WDR70: variants seen among roughly 807,000 people sequenced by gnomAD.
WDR70 encodes the protein WD repeat-containing protein 70.
Under a neutral mutation model 88.6 loss-of-function variants are expected in WDR70, and 53 were observed. The ratio of observed to expected loss-of-function variants is 0.60; its 90% CI spans 0.48 to 0.75. WDR70 has a LOEUF of 0.75. WDR70 is among the 30% of genes least tolerant of loss of function. WDR70 has a pLI of 0.00. For synonymous variants in WDR70, 280 were observed against 270.0 expected, an observed-to-expected ratio of 1.04 and a Z score of -0.36; for missense variants, 610 against 823.2, an observed-to-expected ratio of 0.74 and a Z score of 3.17.
chr5:37,427,548 T>C (rs1750169940), intron 5 of WDR70, among the ~76,000 whole-genome samples: 2 of 152,042 alleles, frequency 1.3e-5, no homozygotes, highest in African/African-American at 4.8e-5. Context: ...TTATTCCTAA[T>C]AGGATTCTCA....
intron 10 of WDR70, among the ~76,000 whole-genome samples, chr5:37,688,746 C>T (rs1243148644): frequency 8.7e-6 from 1 of 114,942 alleles, no homozygotes; most frequent in Non-Finnish European, 2.0e-5. Context: ...CAGCTCTGGT[C>T]TGCAGCTCCC....
chr5:37,718,604 A>G (rs1459505958), intron 13 of WDR70, among the ~76,000 whole-genome samples: 1 of 152,200 alleles, frequency 6.6e-6, no homozygotes, highest in Non-Finnish European at 1.5e-5. Context: ...CTCTAGGACC[A>G]CATTAGGAGG....
intron 10 of WDR70, among the ~76,000 whole-genome samples, chr5:37,615,779 G>C (rs16903691): frequency 1.3e-5 from 2 of 151,832 alleles, no homozygotes; most frequent in African/African-American, 4.8e-5. Context: ...TTATTTTTCC[G>C]TTTAGAACTT....
At chr5:37,741,228 G>A (rs948501306) in intron 17 of WDR70, among the ~76,000 whole-genome samples, 5 of 93,266 alleles carry the variant, frequency 5.4e-5, no homozygotes, top group African/African-American at 1.8e-4. Flanking sequence ...AAGCCCAAGA[G>A]CCTAGTTCTT....
Position 37,605,182 on chromosome 5 carries a change from C to G in WDR70, c.1036C>G (p.Leu346Val), listed in dbSNP as rs994796016. ...GTGCACATATAGTAGAGATGGAAAC[C>G]TCATAGCAGCTGCCTGCCAGAATGG... ...TTCTYSRDGNLIAAACQNGSI... is the reference protein window; with the variant it reads ...TTCTYSRDGNVIAAACQNGSI... The change falls in exon 10 of 18, where the codon CTC becomes GTC. Residue 346 changes from leucine to valine, a missense_variant. Transcript: ENST00000265107. 6 of 1,612,498 alleles carry G rather than the reference C, an allele frequency of 3.7e-6. No homozygotes were observed. Among genetic ancestry groups the G allele is most frequent in the Admixed American group, 1.7e-5 (1 of 59,954 alleles).
At chr5:37,579,555 G>C (rs1396254798) in intron 9 of WDR70, among the ~76,000 whole-genome samples, 1 of 127,410 alleles carries the variant, frequency 7.8e-6, no homozygotes, top group African/African-American at 3.1e-5. Flanking sequence ...TTGCACTCCA[G>C]CCTGGCAACC....
chr5:37,620,441 G>A (rs954707082), intron 10 of WDR70, among the ~76,000 whole-genome samples: 1 of 152,066 alleles, frequency 6.6e-6, no homozygotes, highest in Non-Finnish European at 1.5e-5. Context: ...CTCTCTATTT[G>A]AAAATGTAGC....
chr5:37,434,109 C>T (rs141467459), intron 5 of WDR70, among the ~76,000 whole-genome samples: 4,883 of 152,214 alleles, frequency 0.032, 110 homozygotes, highest in Middle Eastern at 0.068. Flanking sequence ...CTTACAATCA[C>T]GGCAGAAGGC....
chr5:37,463,428 A>T (rs1434577290), intron 7 of WDR70, among the ~76,000 whole-genome samples: 1 of 152,128 alleles, frequency 6.6e-6, no homozygotes, highest in Non-Finnish European at 1.5e-5. Flanking sequence ...CTGAGCCCCA[A>T]GTGACAGCCC....
At chr5:37,591,178 C>T (rs899635138) in intron 9 of WDR70, among the ~76,000 whole-genome samples, 6 of 152,012 alleles carry the variant, frequency 3.9e-5, no homozygotes, top group Non-Finnish European at 7.4e-5. Context: ...TCTAAAAATA[C>T]AAAAGTTAGC....
chr5:37,384,173 CTTTTT>C (rs57075180), intron 3 of WDR70, among the ~76,000 whole-genome samples: 2 of 107,866 alleles, frequency 1.9e-5, no homozygotes, highest in African/African-American at 6.9e-5. Context: ...ACTTTCCCCC[CTTTTT>C]TTTTTTTTTT....
chr5:37,409,786 G>A (rs370692381), intron 5 of WDR70, among the ~76,000 whole-genome samples: 8 of 152,178 alleles, frequency 5.3e-5, no homozygotes, highest in Admixed American at 2.0e-4. Context: ...GATTACAGGC[G>A]TGAGCCACCA....
At position 37,752,479 on chromosome 5, in the gene WDR70, C is replaced by T. The variant is rs1232606006; in HGVS notation, c.1878-7C>T. The T allele has an allele frequency of 1.2e-6, 2 of 1,603,408 alleles. No individual in the cohort carries two copies. Among genetic ancestry groups the T allele is most frequent in the African/African-American group, 2.7e-5 (2 of 74,048 alleles). Reference sequence around the variant, plus strand: ...TTTTTCCTTCTCTTCTTTAACTTTTCTTTTAGGACTCAGCCCAAAACCATG... The same window carrying T: ...TTTTTCCTTCTCTTCTTTAACTTTTTTTTTAGGACTCAGCCCAAAACCATG... On this transcript the variant is annotated splice_region_variant and splice_polypyrimidine_tract_variant and intron_variant, in intron 17 of 17. Transcript: ENST00000265107.
At chr5:37,455,812 A>G (rs993671377) in intron 7 of WDR70, among the ~76,000 whole-genome samples, 1 of 152,040 alleles carries the variant, frequency 6.6e-6, no homozygotes, top group African/African-American at 2.4e-5. Flanking sequence ...AGAAATGCAT[A>G]CAGTCATAGT....
At chr5:37,386,733 A>C (rs1748628863) in intron 3 of WDR70, among the ~76,000 whole-genome samples, 2 of 152,226 alleles carry the variant, frequency 1.3e-5, no homozygotes, top group South Asian at 4.1e-4. Flanking sequence ...GAGAATATTA[A>C]ATTGAATTTA....
chr5:37,476,383 T>C (rs572957430), intron 7 of WDR70, among the ~76,000 whole-genome samples: 1 of 152,292 alleles, frequency 6.6e-6, no homozygotes, highest in South Asian at 2.1e-4. Flanking sequence ...GTCCCCTTGT[T>C]ATAGGCAAGA....
chr5:37,519,980 A>C (rs1741036437), intron 9 of WDR70, among the ~76,000 whole-genome samples: 1 of 152,130 alleles, frequency 6.6e-6, no homozygotes, highest in Non-Finnish European at 1.5e-5. Flanking sequence ...CTCATCCATG[A>C]CTCAAGAATA....
intron 8 of WDR70, among the ~76,000 whole-genome samples, chr5:37,516,084 C>T (rs903304966): frequency 2.6e-5 from 4 of 152,192 alleles, no homozygotes; most frequent in African/African-American, 7.2e-5. Context: ...GATTTCCCTT[C>T]CAATCTCTTG....
At chr5:37,628,125 C>T (rs923254838) in intron 10 of WDR70, among the ~76,000 whole-genome samples, 2 of 152,124 alleles carry the variant, frequency 1.3e-5, no homozygotes, top group Non-Finnish European at 2.9e-5. Flanking sequence ...AGTTTCACTA[C>T]ATTGCCCAGG....
Sources: gnomAD v4.1 joint callset for allele counts (sites outside exome capture counted in the v4.1 genomes callset) on GRCh38, gnomAD v4.1.1 for gene constraint, MANE v1.5 for transcripts, NCBI Gene and HGNC (gene_info 2026-07-23, HGNC 2026-07-21) for gene names.